The following ADAM10 variants were observed in gnomAD, a reference collection of about 807,000 sequenced individuals.
The protein encoded by ADAM10 is ADAM metallopeptidase domain 10, also known as disintegrin and metalloproteinase domain-containing protein 10.
ADAM10 carries 17 observed loss-of-function variants against 90.1 expected under a neutral mutation model. The ratio of observed to expected loss-of-function variants is 0.19; its 90% confidence interval spans 0.13 to 0.28. The LOEUF is 0.28. ADAM10 is among the 10% of genes least tolerant of loss of function. The pLI, the probability that ADAM10 is intolerant of heterozygous loss-of-function variation, is 1.00. For missense variants in ADAM10, 610 were observed against 914.3 expected (o/e 0.67, Z 4.29); for synonymous variants, 310 against 298.6 (o/e 1.04, Z -0.40).
At chr15:58,615,530 C>T (rs757341591) in intron 11 of ADAM10, among the ~76,000 whole-genome samples, 1 of 152,098 alleles carries the variant, frequency 6.6e-6, no homozygotes, top group Non-Finnish European at 1.5e-5. Context: ...AGCAAAACTC[C>T]CGGCTCGGCC....
At chr15:58,708,507 T>A (rs1010985691) in intron 2 of ADAM10, among the ~76,000 whole-genome samples, 7 of 151,664 alleles carry the variant, frequency 4.6e-5, no homozygotes, top group Non-Finnish European at 8.8e-5. Flanking sequence ...ACAAAAAAAA[T>A]TAAAAATTAG....
intron 11 of ADAM10, among the ~76,000 whole-genome samples, chr15:58,619,635 T>G (rs1158327772): frequency 6.6e-6 from 1 of 152,158 alleles, no homozygotes; most frequent in Non-Finnish European, 1.5e-5. Context: ...CCGGGTGCAG[T>G]GGCTCACACC....
At chr15:58,679,453 A>G (rs893390020) in intron 3 of ADAM10, among the ~76,000 whole-genome samples, 171 bp from the exon 4 acceptor site, 6 of 152,176 alleles carry the variant, frequency 3.9e-5, no homozygotes, top group Non-Finnish European at 7.3e-5. Context: ...CACATAAAAT[A>G]TATCAAGCAG....
chr15:58,646,276 T>C lies in ADAM10; in HGVS notation c.586-72A>G, dbSNP rs1462937654. 29 of 1,433,874 alleles carry C rather than the reference T, an allele frequency of 2.0e-5. No individual in the cohort carries two copies. The East Asian group carries it at 6.3e-4, about 31-fold the overall frequency. 88.8% of individuals were successfully genotyped at this position (1,433,874 alleles called of 1,614,324 possible). A position where few individuals can be genotyped will look rare whatever the true frequency, so the allele number is the denominator to read the frequency against. On this transcript the variant is annotated intron_variant, in intron 5 of 15. Transcript: ENST00000260408. The stretch of plus-strand genomic sequence containing the variant: ...ATCATTTTATCTAATTAAGAATACA[T>C]ACTATAAACAATTTCATATTCTGCT...
At chr15:58,727,361 T>C (rs139250951) in intron 1 of ADAM10, among the ~76,000 whole-genome samples, 148 of 152,202 alleles carry the variant, frequency 9.7e-4, no homozygotes, top group African/African-American at 3.3e-3. Context: ...CAGCTAATTT[T>C]TGTATTTTTA....
At chr15:58,725,435 A>C (rs1316963810) in intron 1 of ADAM10, among the ~76,000 whole-genome samples, 5 of 150,994 alleles carry the variant, frequency 3.3e-5, no homozygotes, top group African/African-American at 1.2e-4. Context: ...AATCCCAGCT[A>C]TTCAGGAGGC....
intron 4 of ADAM10, among the ~76,000 whole-genome samples, chr15:58,673,821 G>C (rs1026420456): frequency 1.3e-5 from 2 of 151,020 alleles, no homozygotes; most frequent in Admixed American, 6.6e-5. Flanking sequence ...TGCAAGCTCC[G>C]ACTCCCGGGT....
intron 14 of ADAM10, among the ~76,000 whole-genome samples, chr15:58,606,338 A>C (rs1246398596): frequency 1.3e-5 from 2 of 152,256 alleles, no homozygotes; most frequent in Non-Finnish European, 2.9e-5. Flanking sequence ...ACTTGCTACT[A>C]AACTTTTGGT....
chr15:58,594,771 A>G lies in ADAM10; in HGVS notation c.*2776T>C, dbSNP rs1422415535. 6.6e-6 allele frequency: 1 copy of G among 152,214 alleles called. No homozygotes were observed. Among genetic ancestry groups the G allele is most frequent in the Non-Finnish European group, 1.5e-5 (1 of 68,024 alleles). The allele number at this position is 152,214 out of a possible 1,614,324, so 9.4% of individuals were successfully genotyped here. ...AAATAACTAATTTATAATTACCCAA[A>G]TCAATCAATATTGAGAGTTTCATAA... is the stretch of plus-strand genomic sequence containing the variant. On this transcript the variant is annotated 3_prime_UTR_variant, in exon 16 of 16. Transcript: ENST00000260408.
rs1474057270 is a variant in ADAM10 at position 58,749,351 on chromosome 15, G to A, written c.55+129C>T. The A allele has an allele frequency of 7.7e-6, 9 of 1,166,134 alleles. No individual in the cohort carries two copies. The East Asian group carries it at 3.2e-4, about 41-fold the overall frequency. The allele number at this position is 1,166,134 out of a possible 1,614,324, so 72.2% of individuals were successfully genotyped here. The stretch of plus-strand genomic sequence containing the variant: ...CAATAGGGAGCGGGGAGCGCGGCCC[G>A]CCAGAGTGGCGCCGCTGGCCGGCTG... On this transcript the variant is annotated intron_variant, in intron 1 of 15. Transcript: ENST00000260408.
intron 2 of ADAM10, 152 bp from the exon 3 acceptor site, chr15:58,682,466 T>C: frequency 7.6e-7 from 1 of 1,315,636 alleles, no homozygotes; most frequent in Non-Finnish European, 1.0e-6. Flanking sequence ...TAAAGACATA[T>C]TCTGCTCTAA....
At chr15:58,716,226 T>C (rs573613011) in intron 2 of ADAM10, among the ~76,000 whole-genome samples, 3 of 152,310 alleles carry the variant, frequency 2.0e-5, no homozygotes, top group East Asian at 1.9e-4. Flanking sequence ...TCCATTAAAA[T>C]GTTTAAGCAC....
Position 58,595,452 on chromosome 15 carries a change from CACAAT to C in ADAM10, c.*2090_*2094del, listed in dbSNP as rs1286181484. ...AGTTTCAAAAAACCTTACATCTTTGCACAATACTTTATTTTTTGCAATTTTTAGTA... is the reference window on the plus strand; with the variant it reads ...AGTTTCAAAAAACCTTACATCTTTGCACTTTATTTTTTGCAATTTTTAGTA... On this transcript the variant is annotated 3_prime_UTR_variant, in exon 16 of 16. Coordinates refer to ENST00000260408, the MANE Select transcript of ADAM10 (RefSeq NM_001110.4). The C allele has an allele frequency of 2.0e-5, 3 of 152,066 alleles. No homozygotes were observed. The highest frequency in any genetic ancestry group is 4.4e-5 in the Non-Finnish European group (3 of 67,968). The allele number at this position is 152,066 out of a possible 1,614,324, so 9.4% of individuals were successfully genotyped here.
chr15:58,624,730 G>A (rs1007587417), intron 10 of ADAM10, among the ~76,000 whole-genome samples: 1 of 152,034 alleles, frequency 6.6e-6, no homozygotes, highest in Non-Finnish European at 1.5e-5. Flanking sequence ...ACAGGGTTTC[G>A]CTACATTGGC....
At chr15:58,719,417 T>C (rs1354105340) in intron 1 of ADAM10, among the ~76,000 whole-genome samples, 1 of 152,118 alleles carries the variant, frequency 6.6e-6, no homozygotes, top group Non-Finnish European at 1.5e-5. Context: ...TTCTCCATCT[T>C]CAAGAGAAGA....
intron 1 of ADAM10, among the ~76,000 whole-genome samples, chr15:58,723,655 A>G (rs1311567644): frequency 6.6e-6 from 1 of 152,172 alleles, no homozygotes; most frequent in African/African-American, 2.4e-5. Context: ...CAGTGAGCCA[A>G]GGTCACGCCA....
At chr15:58,705,811 G>T (rs1469688484) in intron 2 of ADAM10, among the ~76,000 whole-genome samples, 1 of 152,182 alleles carries the variant, frequency 6.6e-6, no homozygotes, top group Non-Finnish European at 1.5e-5. Flanking sequence ...GAAAATAGGT[G>T]AGTACAGGAC....
Position 58,665,104 on chromosome 15 carries a change from A to G in ADAM10, c.578T>C (p.Val193Ala), listed in dbSNP as rs768222728. The G allele has an allele frequency of 6.2e-7, 1 of 1,608,792 alleles. No homozygotes were observed. The change falls in exon 5 of 16, where the codon GTA (valine) becomes GCA (alanine). Residue 193 changes from valine (V) to alanine (A), a missense_variant. Around this residue, in one of 4 missense-constraint regions of ADAM10, gnomAD observed 310 missense variants for 362.4 expected, o/e 0.86. Coordinates refer to ENST00000260408, the MANE Select transcript of ADAM10 (RefSeq NM_001110.4). ...RKYQMTGVEEVTQIPQEEHAA... is the reference protein window; with the variant it reads ...RKYQMTGVEEATQIPQEEHAA... ...TAGTGTTAAAATCCTTACCTGTGTT[A>G]CTTCCTCTACACCAGTCATCTGGTA...
chr15:58,739,926 A>G (rs138817600), intron 1 of ADAM10, among the ~76,000 whole-genome samples: 5 of 152,366 alleles, frequency 3.3e-5, no homozygotes, highest in African/African-American at 1.2e-4. Flanking sequence ...CCAGAAGTCC[A>G]GTCCACTTCC....
Sources: allele counts gnomAD v4.1 joint callset (sites outside exome capture counted in the v4.1 genomes callset), GRCh38; gene constraint gnomAD v4.1.1; regional missense constraint gnomAD v4.1.1; transcripts MANE v1.5; gene names NCBI Gene and HGNC (gene_info 2026-07-23, HGNC 2026-07-21).